Variants in PI4K2B observed in about 807,000 individuals in gnomAD.
PI4K2B encodes phosphatidylinositol 4-kinase type 2-beta.
PI4K2B carries 46 observed loss-of-function variants against 56.6 expected under a neutral mutation model. The observed-to-expected ratio is 0.81, with a 90% confidence interval of 0.64 to 1.04. PI4K2B has a LOEUF of 1.04. Ranked by LOEUF, PI4K2B falls within the 50% of genes least tolerant of loss-of-function variation. The pLI is 0.00. For synonymous variants in PI4K2B, 211 were observed against 223.8 expected (o/e 0.94, Z 0.51); for missense variants, 556 against 607.7 (o/e 0.91, Z 0.89).
At chr4:25,234,649 G>A (rs1715169449) in intron 1 of PI4K2B, among the ~76,000 whole-genome samples, 1 of 152,226 alleles carries the variant, frequency 6.6e-6, no homozygotes, top group Non-Finnish European at 1.5e-5. Context: ...TAAGGCCAGT[G>A]GTTGTCATTA....
At chr4:25,254,031 A>G (rs1219077555) in intron 2 of PI4K2B, among the ~76,000 whole-genome samples, 1 of 152,192 alleles carries the variant, frequency 6.6e-6, no homozygotes, top group Non-Finnish European at 1.5e-5. Flanking sequence ...AAGTGCTGGG[A>G]TTACAGGTGT....
At chr4:25,265,441 C>A (rs1027638381) in intron 7 of PI4K2B, among the ~76,000 whole-genome samples, 1 of 151,846 alleles carries the variant, frequency 6.6e-6, no homozygotes, top group African/African-American at 2.4e-5. Context: ...CATCATTATT[C>A]TTTTCTCCTA....
intron 6 of PI4K2B, among the ~76,000 whole-genome samples, chr4:25,260,829 T>G (rs2109018733): frequency 6.7e-6 from 1 of 150,250 alleles, no homozygotes; most frequent in African/African-American, 2.4e-5. Context: ...TCACACTTTT[T>G]ATTTTTGTCA....
chr4:25,272,892 C>T (rs1183372254), intron 9 of PI4K2B, among the ~76,000 whole-genome samples: 1 of 151,946 alleles, frequency 6.6e-6, no homozygotes, highest in Non-Finnish European at 1.5e-5. Context: ...ACCTATATTC[C>T]AAACAACAGA....
Position 25,251,944 on chromosome 4 carries a change from C to T in PI4K2B, c.269-377C>T, listed in dbSNP as rs562676638. ...ATTCAAGTGATTCTCCTGCCTCAGC[C>T]TTCCGAGTAGCTGGAATTACAGGTG... is the stretch of plus-strand genomic sequence containing the variant. On this transcript the variant is annotated intron_variant, in intron 1 of 9. Transcript: ENST00000264864. 8.5e-5 allele frequency among the ~76,000 whole-genome samples: 13 copies of T among 152,230 alleles called. No homozygotes were observed. The South Asian group carries it at 1.5e-3, about 17-fold the overall frequency.
intron 1 of PI4K2B, among the ~76,000 whole-genome samples, chr4:25,249,394 G>T (rs1715936826): frequency 1.4e-5 from 2 of 144,086 alleles, no homozygotes; most frequent in Admixed American, 1.4e-4. Context: ...TGGCCGGGCA[G>T]AGGCGCCCCT....
chr4:25,253,667 T>A lies in PI4K2B; in HGVS notation c.423+1192T>A, dbSNP rs145268480. 1.4e-4 allele frequency among the ~76,000 whole-genome samples: 22 copies of A among 152,378 alleles called. No homozygotes were observed. The East Asian group carries it at 4.0e-3, about 28-fold the overall frequency. On this transcript the variant is annotated intron_variant, in intron 2 of 9. Transcript: ENST00000264864. Reference sequence around the variant, plus strand: ...AATAAGATTTGTTCTTGTCTAAGGATAATTCAGCTTCTAAATTGAATATGA... The same window carrying A: ...AATAAGATTTGTTCTTGTCTAAGGAAAATTCAGCTTCTAAATTGAATATGA...
chr4:25,257,058 TTC>T (rs538179429), intron 4 of PI4K2B, among the ~76,000 whole-genome samples: 197 of 150,338 alleles, frequency 1.3e-3, no homozygotes, highest in African/African-American at 4.6e-3. Flanking sequence ...TACTTGCTCT[TTC>T]TCTTTCTTTT....
intron 1 of PI4K2B, among the ~76,000 whole-genome samples, chr4:25,236,238 TAAA>T (rs1195063060): frequency 7.1e-6 from 1 of 140,842 alleles, no homozygotes; most frequent in Non-Finnish European, 1.5e-5. Context: ...AATAAATAAA[TAAA>T]TAAATAAATA....
At chr4:25,260,906 C>T (rs1319346349) in intron 6 of PI4K2B, among the ~76,000 whole-genome samples, 1 of 141,240 alleles carries the variant, frequency 7.1e-6, no homozygotes, top group African/African-American at 2.6e-5. Flanking sequence ...TGGGATTTTG[C>T]CGTGTTGGCC....
intron 1 of PI4K2B, among the ~76,000 whole-genome samples, chr4:25,245,223 T>G (rs1222557763): frequency 1.3e-5 from 2 of 152,076 alleles, no homozygotes; most frequent in Non-Finnish European, 2.9e-5. Context: ...CTAAAGAAGG[T>G]AACAGTTTAT....
rs1715139589 is a variant in PI4K2B, at chr4:25,234,322, C to T, written c.159C>T (p.Ala53=). 7.1e-7 allele frequency: 1 copy of T among 1,413,680 alleles called. No homozygotes were observed. Among genetic ancestry groups the T allele is most frequent in the Non-Finnish European group, 9.3e-7 (1 of 1,080,838 alleles). 87.6% of individuals were successfully genotyped at this position (1,413,680 alleles called of 1,614,324 possible). ...PGSAVRLLDA[A]GEEGEAGDEE... ...GCGCCGTGAGGCTGCTGGACGCTGC[C>T]GGGGAGGAGGGCGAGGCCGGCGACG... The change falls in exon 1 of 10, where the codon GCC becomes GCT. Residue 53 remains alanine, a synonymous_variant. Coordinates refer to ENST00000264864, the MANE Select transcript of PI4K2B (RefSeq NM_018323.4).
At chr4:25,253,629 T>C (rs903971058) in intron 2 of PI4K2B, among the ~76,000 whole-genome samples, 7 of 152,348 alleles carry the variant, frequency 4.6e-5, no homozygotes, top group African/African-American at 1.7e-4. Context: ...AGCAATTATA[T>C]ACTTAAAATT....
chr4:25,234,229 G>A lies in PI4K2B; in HGVS notation c.66G>A (p.Glu22=). The A allele has an allele frequency of 1.4e-6, 2 of 1,427,952 alleles. No homozygotes were observed. The highest frequency in any genetic ancestry group is 3.0e-5 in the East Asian group (1 of 33,278). 88.5% of individuals were successfully genotyped at this position (1,427,952 alleles called of 1,614,324 possible). ...ACGGCGGGAGCCCGGAGGAGGAGGAGGATGGGGAGCGGGAGCCGCTGCTAC... is the reference window on the plus strand; with the variant it reads ...ACGGCGGGAGCCCGGAGGAGGAGGAAGATGGGGAGCGGGAGCCGCTGCTAC... ...SADGGSPEEE[E]DGEREPLLPR... The change falls in exon 1 of 10, where the codon GAG becomes GAA. Residue 22 remains glutamate, a synonymous_variant. Transcript: ENST00000264864.
At chr4:25,270,202 T>C (rs965481330) in intron 9 of PI4K2B, among the ~76,000 whole-genome samples, 1 of 152,182 alleles carries the variant, frequency 6.6e-6, no homozygotes, top group African/African-American at 2.4e-5. Context: ...TTTTTCTTTT[T>C]TCGCGGAATG....
rs570125441 is a variant in PI4K2B, at chr4:25,258,994, G to A, written c.757-43G>A. On this transcript the variant is annotated intron_variant, in intron 4 of 9. Transcript: ENST00000264864. ...GAGAAATATAAATATTAATCCCCTT[G>A]TTCTTGTACTTTCTTTTCTAACTAT... The A allele has an allele frequency of 1.3e-4, 138 of 1,030,596 alleles. No homozygotes were observed. In the East Asian group the frequency reaches 3.3e-3, roughly 24 times the overall value. The allele number at this position is 1,030,596 out of a possible 1,614,324, so 63.8% of individuals were successfully genotyped here.
chr4:25,267,685 T>C (rs1383374972), intron 7 of PI4K2B: 2 of 653,640 alleles, frequency 3.1e-6, no homozygotes, highest in African/African-American at 3.9e-5. Flanking sequence ...GGAATCTGAA[T>C]ATGCACCCTC....
intron 1 of PI4K2B, among the ~76,000 whole-genome samples, chr4:25,246,641 G>T (rs914018965): frequency 3.3e-5 from 5 of 152,232 alleles, no homozygotes; most frequent in Non-Finnish European, 7.3e-5. Context: ...CAGCCCTTGG[G>T]CAGTTGATGG....
At position 25,247,303 on chromosome 4, in the gene PI4K2B, C is replaced by T. The variant is rs527697854; in HGVS notation, c.269-5018C>T. The stretch of plus-strand genomic sequence containing the variant: ...TGAGCTTTTGAAAGTCCGTGAGTGG[C>T]GGTGTGTTGGAGAGTATTTCTCAAC... On this transcript the variant is annotated intron_variant, in intron 1 of 9. Transcript: ENST00000264864. Among the ~76,000 whole-genome samples the T allele has an allele frequency of 7.5e-4, 114 of 152,364 alleles. 2 individuals are homozygous for T. The South Asian group carries it at 0.022, about 29-fold the overall frequency.
Sources: allele counts gnomAD v4.1 joint callset (sites outside exome capture counted in the v4.1 genomes callset), GRCh38; gene constraint gnomAD v4.1.1; transcripts MANE v1.5; gene names NCBI Gene and HGNC (gene_info 2026-07-23, HGNC 2026-07-21).